The following ENO3 variants were observed in gnomAD, a reference collection of about 807,000 sequenced individuals.
ENO3 encodes the protein beta-enolase.
A neutral mutation model predicts 47.7 loss-of-function variants in ENO3; 46 were observed. That is an observed-to-expected ratio of 0.96 (90% CI 0.76 to 1.23). The LOEUF (loss-of-function observed/expected upper bound fraction) is 1.23. Among genes scored for constraint, ENO3 ranks in the 50% most tolerant of loss-of-function variants. The probability of loss-of-function intolerance (pLI) is 0.00; values close to 1 mark genes in which losing one functional copy is unlikely to be tolerated. For synonymous variants in ENO3, 223 were observed against 225.9 expected (o/e 0.99, Z 0.11); for missense variants, 575 against 566.2 (o/e 1.02, Z -0.16).
At chr17:4,950,647 T>G (rs1971513959), upstream of ENO3, 1 of 985,236 alleles carries the variant, frequency 1.0e-6, no homozygotes, top group African/African-American at 1.7e-5. Flanking sequence ...CCCTCTCGCC[T>G]TCTGGGGTGG....
intron 6 of ENO3, among the ~76,000 whole-genome samples, chr17:4,954,414 G>T (rs1006201298): frequency 3.3e-5 from 5 of 152,190 alleles, no homozygotes; most frequent in South Asian, 2.1e-4. Context: ...AAAATGGGGG[G>T]TAATAACGAT....
chr17:4,956,521 T>C, intron 9 of ENO3, 52 bp from the exon 10 acceptor site: 1 of 1,592,114 alleles, frequency 6.3e-7, no homozygotes, highest in South Asian at 1.1e-5. Context: ...CAACCCCTGC[T>C]TTCCCACTGA....
At chr17:4,951,697 G>A (rs1971545114) in intron 1 of ENO3, 131 bp from the exon 2 acceptor site, 2 of 997,584 alleles carry the variant, frequency 2.0e-6, no homozygotes, top group Non-Finnish European at 3.2e-6. Context: ...TTTGGTCTGT[G>A]ACCTTTTTGT....
At position 4,956,080 on chromosome 17, in the gene ENO3, A is replaced by G. The variant is rs779445448; in HGVS notation, c.1004A>G (p.Lys335Arg). 6.2e-7 allele frequency: 1 copy of G among 1,613,894 alleles called. No homozygotes were observed. Residue 335 changes from lysine (K) to arginine (R), a missense_variant, in exon 9 of 12, where the codon AAG (lysine) becomes AGG (arginine). By Grantham distance (26) the Lys-to-Arg change is conservative. Coordinates refer to ENST00000519602, the MANE Select transcript of ENO3 (RefSeq NM_053013.4). ...PKRIAQAVEK[K>R]ACNCLLLKVN... ...AGGATTGCCCAGGCCGTTGAGAAGA[A>G]GGCCTGCAACTGTCTGCTGCTGAAG...
In ENO3 at chr17:4,955,500, A is replaced by G. The variant is rs768482299; in HGVS notation, c.761A>G (p.Asn254Ser). ...MDVAASEFYR[N>S]GKYDLDFKSP... is the part of the protein sequence containing the mutation. ...GTGGCAGCATCTGAGTTCTATCGCA[A>G]TGGGAAGTACGATCTTGACTTCAAG... The change falls in exon 8 of 12, where the codon AAT (asparagine) becomes AGT (serine). Residue 254 changes from asparagine to serine, a missense_variant. Transcript: ENST00000519602. The G allele has an allele frequency of 1.9e-6, 3 of 1,614,220 alleles. No homozygotes were observed. The highest frequency in any genetic ancestry group is 1.7e-4 in the Middle Eastern group (1 of 6,060).
At chr17:4,953,895 C>A in intron 6 of ENO3, 50 bp downstream of exon 6, 1 of 1,613,430 alleles carries the variant, frequency 6.2e-7, no homozygotes, top group Non-Finnish European at 8.5e-7. Context: ...CAGAGCCAAC[C>A]CCGCCCAGCC....
At chr17:4,952,936 G>A (rs1251118156) in intron 3 of ENO3, 46 bp downstream of exon 3, 1 of 1,610,858 alleles carries the variant, frequency 6.2e-7, no homozygotes, top group Non-Finnish European at 8.5e-7. Flanking sequence ...GCGGCTTTAG[G>A]ACATGGGTGC....
In ENO3 at chr17:4,953,759, A is replaced by G. The variant is rs1422759950; in HGVS notation, c.358A>G (p.Lys120Glu). Reference protein sequence around the residue: ...AILGVSLAVCKAGAAEKGVPL... With the variant: ...AILGVSLAVCEAGAAEKGVPL... ...CCTGGGCGTGTCCTTGGCCGTGTGT[A>G]AGGCGGGAGCAGCTGAGAAGGGGGT... The change falls in exon 6 of 12, where the codon AAG (lysine) becomes GAG (glutamate). Residue 120 changes from lysine (K) to glutamate (E), a missense_variant. By Grantham distance (56) the Lys-to-Glu change is moderately conservative. Coordinates refer to ENST00000519602, the MANE Select transcript of ENO3 (RefSeq NM_053013.4). 2 of 1,614,192 alleles carry G rather than the reference A, an allele frequency of 1.2e-6. No homozygotes were observed. Among genetic ancestry groups the G allele is most frequent in the South Asian group, 2.2e-5 (2 of 91,086 alleles).
At chr17:4,949,882 G>A (rs910283435), upstream of ENO3, among the ~76,000 whole-genome samples, 26 of 152,048 alleles carry the variant, frequency 1.7e-4, no homozygotes, top group Non-Finnish European at 3.4e-4. Context: ...GGGCGGGGCC[G>A]CACCCGGGCA....
chr17:4,948,967 G>GGGC (rs1971467071), upstream of ENO3: 2 of 151,960 alleles, frequency 1.3e-5, no homozygotes, highest in Non-Finnish European at 2.9e-5. Context: ...AAGGACCGGC[G>GGGC]GGCGGCGGCG....
chr17:4,949,011 G>A (rs1971468006), upstream of ENO3: 1 of 151,856 alleles, frequency 6.6e-6, no homozygotes, highest in Non-Finnish European at 1.5e-5. Context: ...GCCGGGGCCG[G>A]GAGTGCATGG....
upstream of ENO3, among the ~76,000 whole-genome samples, chr17:4,949,993 C>T (rs893868640): frequency 7.3e-6 from 1 of 136,962 alleles, no homozygotes; most frequent in South Asian, 2.7e-4. Flanking sequence ...GATGAGGGGG[C>T]GGGGCGAGAG....
chr17:4,953,023 T>G (rs776731834), intron 3 of ENO3, 28 bp from the exon 4 acceptor site: 2 of 1,614,070 alleles, frequency 1.2e-6, no homozygotes, highest in South Asian at 2.2e-5. Flanking sequence ...TTGATTGAGC[T>G]CCAAAACTCA....
chr17:4,954,098 T>C, intron 6 of ENO3: 1 of 592,898 alleles, frequency 1.7e-6, no homozygotes, highest in Non-Finnish European at 3.0e-6. Context: ...GCTCGATAAC[T>C]CCAGCCTCGT....
At chr17:4,954,656 T>G (rs1971659202) in intron 6 of ENO3, among the ~76,000 whole-genome samples, 2 of 152,192 alleles carry the variant, frequency 1.3e-5, no homozygotes, top group African/African-American at 4.8e-5. Context: ...GGCTCACGCC[T>G]GTAATCCCAG....
rs749775790 is a variant in ENO3 at position 4,957,080 on chromosome 17, A to G, written c.*33A>G. On this transcript the variant is annotated 3_prime_UTR_variant, in exon 12 of 12. Transcript: ENST00000519602. ...GAGGCTCCAGGACTCCACTGGACAG[A>G]CCCAGGTCTTCCAGACCTGCTTCCT... 5.6e-6 allele frequency: 9 copies of G among 1,613,182 alleles called. No homozygotes were observed. The Admixed American group carries it at 1.5e-4, about 27-fold the overall frequency.
intron 6 of ENO3, among the ~76,000 whole-genome samples, 176 bp from the exon 7 acceptor site, chr17:4,954,895 CAAAA>C (rs375176343): frequency 7.0e-4 from 45 of 64,684 alleles, no homozygotes; most frequent in African/African-American, 2.4e-3. Flanking sequence ...GACTCCGTCT[CAAAA>C]AAAAAAAAAA....
chr17:4,952,436 C>G (rs1041196190), intron 2 of ENO3: 40 of 348,618 alleles, frequency 1.1e-4, no homozygotes, highest in Non-Finnish European at 1.8e-4. Flanking sequence ...CTCCGCCTCC[C>G]GGGTTCACGC....
chr17:4,951,250 A>T, intron 1 of ENO3, 68 bp downstream of exon 1: 1 of 1,007,230 alleles, frequency 9.9e-7, no homozygotes, highest in Non-Finnish European at 1.2e-6. Flanking sequence ...GCTTGGAGGA[A>T]GTGGGGGACA....
Sources: gnomAD v4.1 joint callset for allele counts (sites outside exome capture counted in the v4.1 genomes callset) on GRCh38, gnomAD v4.1.1 for gene constraint, MANE v1.5 for transcripts, NCBI Gene and HGNC (gene_info 2026-07-23, HGNC 2026-07-21) for gene names.